The following DLG2 variants were observed in gnomAD, a reference collection of about 807,000 sequenced individuals.
DLG2 encodes discs large MAGUK scaffold protein 2.
Under a neutral mutation model 132.5 loss-of-function variants are expected in DLG2, and 45 were observed. The observed-to-expected ratio is 0.34, with a 90% CI of 0.27 to 0.44. The LOEUF (loss-of-function observed/expected upper bound fraction) is 0.44. Among genes scored for constraint, DLG2 ranks in the 20% least tolerant of loss-of-function variants. DLG2 has a pLI of 1.00. For synonymous variants in DLG2, 424 were observed against 419.6 expected (o/e 1.01, Z -0.13); for missense variants, 1,045 against 1,196.9 (o/e 0.87, Z 1.87).
At chr11:84,168,307 G>C (rs959613873) in intron 8 of DLG2, among the ~76,000 whole-genome samples, 2 of 152,160 alleles carry the variant, frequency 1.3e-5, no homozygotes, top group Non-Finnish European at 2.9e-5. Context: ...ACTCTTTGTC[G>C]TTTACATAGA....
chr11:84,707,947 A>G (rs923653082), intron 6 of DLG2, among the ~76,000 whole-genome samples: 1 of 151,848 alleles, frequency 6.6e-6, no homozygotes, highest in African/African-American at 2.4e-5. Flanking sequence ...GACAAACAAG[A>G]AAAATAGAGA....
At chr11:84,031,868 G>A (rs1236537008) in intron 11 of DLG2, among the ~76,000 whole-genome samples, 1 of 152,044 alleles carries the variant, frequency 6.6e-6, no homozygotes, top group Non-Finnish European at 1.5e-5. Flanking sequence ...TTCACGTCGT[G>A]TGTCACATTT....
At chr11:84,645,343 T>C (rs2099673391) in intron 6 of DLG2, among the ~76,000 whole-genome samples, 1 of 152,178 alleles carries the variant, frequency 6.6e-6, no homozygotes, top group East Asian at 1.9e-4. Flanking sequence ...GGGCCTAAAA[T>C]AAGGTTAGTT....
chr11:83,580,568 T>C (rs1205553716), intron 19 of DLG2, among the ~76,000 whole-genome samples: 2 of 152,208 alleles, frequency 1.3e-5, no homozygotes, highest in African/African-American at 4.8e-5. Flanking sequence ...TTATTTTAAA[T>C]CTGACCCAAT....
At chr11:84,477,476 C>A (rs2099124937) in intron 7 of DLG2, among the ~76,000 whole-genome samples, 1 of 151,970 alleles carries the variant, frequency 6.6e-6, no homozygotes, top group Admixed American at 6.6e-5. Flanking sequence ...ACCTGGGCAA[C>A]AAGAGAGAAA....
intron 6 of DLG2, among the ~76,000 whole-genome samples, chr11:84,857,966 C>A (rs182512960): frequency 7.2e-5 from 11 of 151,836 alleles, no homozygotes; most frequent in African/African-American, 2.7e-4. Context: ...AGTCAATGCT[C>A]ACTGTAGCCT....
chr11:83,561,829 A>C (rs1161240508), intron 19 of DLG2, among the ~76,000 whole-genome samples: 7 of 151,964 alleles, frequency 4.6e-5, no homozygotes, highest in Admixed American at 4.6e-4. Context: ...GTAGGAACAT[A>C]ATATTTTTCT....
intron 3 of DLG2, among the ~76,000 whole-genome samples, chr11:85,306,511 C>T (rs1455832187): frequency 2.6e-5 from 4 of 152,188 alleles, no homozygotes; most frequent in African/African-American, 9.7e-5. Flanking sequence ...TGAATGGGGC[C>T]GAAGAGCCCT....
chr11:84,015,127 CAT>C (rs1449333421), intron 11 of DLG2, among the ~76,000 whole-genome samples: 1 of 152,098 alleles, frequency 6.6e-6, no homozygotes, highest in East Asian at 1.9e-4. Context: ...AGTGTCAAAA[CAT>C]ATTCTCAGTA....
intron 3 of DLG2, among the ~76,000 whole-genome samples, chr11:85,488,409 A>G (rs889726946): frequency 2.6e-5 from 4 of 151,782 alleles, no homozygotes; most frequent in African/African-American, 9.7e-5. Context: ...AACAACAACA[A>G]CAACCACAAC....
At chr11:85,414,525 A>C (rs1359400531) in intron 3 of DLG2, among the ~76,000 whole-genome samples, 1 of 151,932 alleles carries the variant, frequency 6.6e-6, no homozygotes, top group African/African-American at 2.4e-5. Flanking sequence ...CATATAGTCC[A>C]TCTTGGAGAA....
At chr11:83,780,170 C>T (rs2094755291) in intron 18 of DLG2, among the ~76,000 whole-genome samples, 1 of 152,210 alleles carries the variant, frequency 6.6e-6, no homozygotes, top group South Asian at 2.1e-4. Flanking sequence ...AGAAATATGT[C>T]TTGCATTGTA....
rs181183195 is a variant in DLG2, at chr11:84,126,391, T to C, written c.625-27344A>G. 3.9e-5 allele frequency among the ~76,000 whole-genome samples: 6 copies of C among 152,236 alleles called. No individual in the cohort carries two copies. The East Asian group carries it at 1.2e-3, about 29-fold the overall frequency. ...AAAATGCAGAGACATGTCTAACTTA[T>C]CTCAAGGAGAGGCTGGCCTTTTAAA... On this transcript the variant is annotated intron_variant, in intron 9 of 27. Transcript: ENST00000376104.
At chr11:84,309,186 C>A (rs1211356355) in intron 7 of DLG2, among the ~76,000 whole-genome samples, 2 of 152,166 alleles carry the variant, frequency 1.3e-5, no homozygotes, top group African/African-American at 4.8e-5. Context: ...CATGCACCCC[C>A]CGAGCCTAAA....
Position 84,779,328 on chromosome 11 carries a change from G to A in DLG2, c.358-244597C>T, listed in dbSNP as rs200733813. Among the ~76,000 whole-genome samples the A allele has an allele frequency of 2.0e-5, 3 of 151,762 alleles. No individual in the cohort carries two copies. The East Asian group carries it at 5.8e-4, about 29-fold the overall frequency. ...CAGGTACTCTTTTTTTGTTGCTATTGTAAATAATACTGCTTTCTTTATTTC... is the reference window on the plus strand; with the variant it reads ...CAGGTACTCTTTTTTTGTTGCTATTATAAATAATACTGCTTTCTTTATTTC... On this transcript the variant is annotated intron_variant, in intron 6 of 27. Transcript: ENST00000376104.
intron 4 of DLG2, among the ~76,000 whole-genome samples, chr11:85,222,628 A>G (rs1024901965): frequency 2.3e-4 from 35 of 152,180 alleles, no homozygotes; most frequent in Non-Finnish European, 5.0e-4. Flanking sequence ...GATTGTAAAG[A>G]CTGATTCAGG....
chr11:84,919,890 T>A (rs1318734572), intron 6 of DLG2, among the ~76,000 whole-genome samples: 1 of 152,220 alleles, frequency 6.6e-6, no homozygotes, highest in Non-Finnish European at 1.5e-5. Context: ...TACGTGATGA[T>A]CACATTGCTT....
Position 84,529,521 on chromosome 11 carries a change from C to T in DLG2, c.519+5049G>A, listed in dbSNP as rs7111823. Among the ~76,000 whole-genome samples the T allele has an allele frequency of 9.4e-3, 1,423 of 152,116 alleles. 21 individuals carry two copies. The highest frequency in any genetic ancestry group is 0.033 in the African/African-American group (1,363 of 41,478). On this transcript the variant is annotated intron_variant, in intron 7 of 27. Coordinates refer to ENST00000376104, the MANE Select transcript of DLG2 (RefSeq NM_001142699.3). ...ACAACATCCAAGCTGAGAGCAAAAT[C>T]GAGAACTCAATCTCATTTACAATAG...
At chr11:84,094,113 T>C (rs2097135296) in intron 10 of DLG2, among the ~76,000 whole-genome samples, 1 of 152,150 alleles carries the variant, frequency 6.6e-6, no homozygotes. Context: ...GCTTAGAAGA[T>C]AAAAACATGG....
Sources: allele counts gnomAD v4.1 joint callset (sites outside exome capture counted in the v4.1 genomes callset), GRCh38; gene constraint gnomAD v4.1.1; transcripts MANE v1.5; gene names NCBI Gene and HGNC (gene_info 2026-07-23, HGNC 2026-07-21).